The following RALGAPA1 variants were observed in gnomAD, a reference collection of about 807,000 sequenced individuals.
RALGAPA1 encodes Ral GTPase activating protein catalytic subunit alpha 1.
A neutral mutation model predicts 269.6 loss-of-function variants in RALGAPA1; 52 were observed. The ratio of observed to expected loss-of-function variants is 0.19; its 90% CI spans 0.15 to 0.24. RALGAPA1 has a LOEUF of 0.24. RALGAPA1 is among the 10% of genes least tolerant of loss of function. The probability of loss-of-function intolerance (pLI) is 1.00; values close to 1 mark genes in which losing one functional copy is unlikely to be tolerated. For synonymous variants in RALGAPA1, 817 were observed against 1,008.3 expected, an observed-to-expected ratio of 0.81 and a Z score of 3.60; for missense variants, 1,917 against 3,013.9, an observed-to-expected ratio of 0.64 and a Z score of 8.52.
At chr14:35,636,613 T>C (rs965070369) in intron 31 of RALGAPA1, among the ~76,000 whole-genome samples, 2 of 152,204 alleles carry the variant, frequency 1.3e-5, no homozygotes, top group African/African-American at 4.8e-5. Flanking sequence ...CTTCACTTCC[T>C]GGGTTCAAGT....
In RALGAPA1 at chr14:35,664,682, T is replaced by C; in HGVS notation, c.5288A>G (p.Asn1763Ser). Residue 1763 changes from asparagine (N) to serine (S), a missense_variant, in exon 27 of 42, where the codon AAC (asparagine) becomes AGC (serine). Transcript: ENST00000680220. ...LYCELPSLHP[N>S]IPDVAVSQFT... The stretch of plus-strand genomic sequence containing the variant: ...CTGAGACACAGCAACATCAGGAATG[T>C]TGGGATGAAGAGAAGGCAGTTCACA... 1.9e-6 allele frequency: 3 copies of C among 1,612,518 alleles called. No individual in the cohort carries two copies. Among genetic ancestry groups the C allele is most frequent in the Non-Finnish European group, 2.5e-6 (3 of 1,179,342 alleles).
intron 27 of RALGAPA1, among the ~76,000 whole-genome samples, chr14:35,660,252 T>A (rs1241160689): frequency 6.6e-6 from 1 of 151,950 alleles, no homozygotes; most frequent in African/African-American, 2.4e-5. Context: ...TAATCTAATA[T>A]ATAAAAAACC....
intron 1 of RALGAPA1, among the ~76,000 whole-genome samples, chr14:35,803,251 T>C (rs553196343): frequency 6.6e-6 from 1 of 152,286 alleles, no homozygotes; most frequent in Non-Finnish European, 1.5e-5. Context: ...TCAGTAAAGA[T>C]AGCCTTTTTC....
chr14:35,676,150 T>A (rs2064922452), intron 22 of RALGAPA1: 1 of 152,102 alleles, frequency 6.6e-6, no homozygotes, highest in Non-Finnish European at 1.5e-5. Flanking sequence ...CTTACCCTTT[T>A]CAAAGCTAAC....
chr14:35,543,986 T>C (rs2054238276), intron 41 of RALGAPA1, among the ~76,000 whole-genome samples: 1 of 152,032 alleles, frequency 6.6e-6, no homozygotes, highest in Non-Finnish European at 1.5e-5. Context: ...AAGGCAAACA[T>C]GTGGTTTCAT....
At chr14:35,596,210 G>A (rs934914333) in intron 36 of RALGAPA1, among the ~76,000 whole-genome samples, 2 of 152,016 alleles carry the variant, frequency 1.3e-5, no homozygotes, top group African/African-American at 4.8e-5. Flanking sequence ...TTCCTGATTT[G>A]TTAGTACTTA....
At chr14:35,643,428 T>C (rs2062164494) in intron 31 of RALGAPA1, among the ~76,000 whole-genome samples, 1 of 152,072 alleles carries the variant, frequency 6.6e-6, no homozygotes, top group Admixed American at 6.6e-5. Flanking sequence ...TCATACACTG[T>C]TGGTGGGAAT....
rs200211363 is a variant in RALGAPA1 at position 35,721,819 on chromosome 14, A to C, written c.2135T>G (p.Val712Gly). The change falls in exon 16 of 42, where the codon GTT becomes GGT. Residue 712 changes from valine to glycine, a missense_variant. Physicochemically the swap from Val to Gly is moderately radical, Grantham distance 109. Coordinates refer to ENST00000680220, the MANE Select transcript of RALGAPA1 (RefSeq NM_001346249.2). ...GVGHEFQKVS[V>G]DKSFSRGWSR... Reference sequence around the variant, plus strand: ...CCATCCTCTAGAAAATGACTTGTCAACTGAAACTTTCTGAAATTCATGTCC... The same window carrying C: ...CCATCCTCTAGAAAATGACTTGTCACCTGAAACTTTCTGAAATTCATGTCC... 6.8e-6 allele frequency: 11 copies of C among 1,613,564 alleles called. No individual in the cohort carries two copies. Among genetic ancestry groups the C allele is most frequent in the Non-Finnish European group, 9.3e-6 (11 of 1,179,636 alleles).
At chr14:35,736,812 G>T (rs2071038163) in intron 12 of RALGAPA1, among the ~76,000 whole-genome samples, 3 of 152,134 alleles carry the variant, frequency 2.0e-5, no homozygotes, top group Admixed American at 2.0e-4. Context: ...GAGGCAGGCA[G>T]ATCACTTGAG....
intron 13 of RALGAPA1, among the ~76,000 whole-genome samples, 181 bp downstream of exon 13, chr14:35,728,181 C>G (rs1403197683): frequency 6.6e-6 from 1 of 152,136 alleles, no homozygotes; most frequent in Non-Finnish European, 1.5e-5. Context: ...GAAGTCCGAA[C>G]AAAGTTTCAG....
At chr14:35,792,281 T>C (rs1185582954) in intron 1 of RALGAPA1, among the ~76,000 whole-genome samples, 3 of 151,932 alleles carry the variant, frequency 2.0e-5, no homozygotes, top group African/African-American at 7.2e-5. Flanking sequence ...CTCAGCCTCC[T>C]AGGTAGCTGG....
chr14:35,721,951 A>G (rs760450066), intron 15 of RALGAPA1, 102 bp from the exon 16 acceptor site: 18 of 944,674 alleles, frequency 1.9e-5, no homozygotes, highest in Non-Finnish European at 2.8e-5. Flanking sequence ...TTGCTCACAT[A>G]AATTATAAAG....
In RALGAPA1 at chr14:35,678,039, G is replaced by A; in HGVS notation, c.4535C>T (p.Ser1512Phe). ...LGSRSQTPSPSTLNIDHMEQK... is the reference protein window; with the variant it reads ...LGSRSQTPSPFTLNIDHMEQK... ...TTCCATGTGATCTATATTCAATGTA[G>A]AAGGGGAAGGAGTCTGTGACCTGGA... Residue 1512 changes from serine to phenylalanine, a missense_variant, in exon 22 of 42, where the codon TCT becomes TTT. Around this residue, in one of 11 missense-constraint regions of RALGAPA1, gnomAD observed 615 missense variants for 790.0 expected, o/e 0.78. Transcript: ENST00000680220. 2 of 1,612,536 alleles carry A rather than the reference G, an allele frequency of 1.2e-6. No individual in the cohort carries two copies.
intron 39 of RALGAPA1, among the ~76,000 whole-genome samples, chr14:35,551,817 C>T (rs151186771): frequency 3.3e-5 from 5 of 152,054 alleles, no homozygotes; most frequent in Middle Eastern, 3.4e-3. Flanking sequence ...ATATAACATA[C>T]TCATTTTGTA....
intron 16 of RALGAPA1, among the ~76,000 whole-genome samples, chr14:35,717,312 G>A (rs1002960518): frequency 1.3e-4 from 20 of 151,970 alleles, no homozygotes; most frequent in African/African-American, 4.8e-4. Flanking sequence ...TACCACGCTG[G>A]CTAATTTTTT....
chr14:35,584,373 T>C (rs1480415323), intron 37 of RALGAPA1, among the ~76,000 whole-genome samples: 1 of 152,092 alleles, frequency 6.6e-6, no homozygotes, highest in African/African-American at 2.4e-5. Context: ...CAGGTGATCC[T>C]CTCACCTCAG....
intron 1 of RALGAPA1, among the ~76,000 whole-genome samples, chr14:35,789,212 G>C (rs4981306): frequency 0.12 from 18,408 of 151,834 alleles, 1,179 homozygotes; most frequent in South Asian, 0.14. Context: ...TAAGGGTGAT[G>C]GGAAGGCAGT....
intron 1 of RALGAPA1, among the ~76,000 whole-genome samples, chr14:35,778,552 T>C (rs1194069912): frequency 1.3e-5 from 2 of 152,352 alleles, no homozygotes; most frequent in African/African-American, 2.4e-5. Context: ...AGAAACTGTG[T>C]CTACCTCAGG....
chr14:35,691,933 G>A (rs768678278), intron 17 of RALGAPA1, among the ~76,000 whole-genome samples: 2 of 152,122 alleles, frequency 1.3e-5, no homozygotes, highest in African/African-American at 2.4e-5. Context: ...ACTCCACTGA[G>A]AAATTTTTCT....
Sources: gnomAD v4.1 joint callset for allele counts (sites outside exome capture counted in the v4.1 genomes callset) on GRCh38, gnomAD v4.1.1 for gene constraint, gnomAD v4.1.1 regional missense constraint, MANE v1.5 for transcripts, NCBI Gene and HGNC (gene_info 2026-07-23, HGNC 2026-07-21) for gene names.